The following STAG1 variants were observed in gnomAD, a reference collection of about 807,000 sequenced individuals.
STAG1 encodes the protein cohesin subunit SA-1.
A neutral mutation model predicts 170.9 loss-of-function variants in STAG1; 26 were observed. The ratio of observed to expected loss-of-function variants is 0.15; its 90% CI spans 0.11 to 0.21. STAG1 has a LOEUF of 0.21. Among genes scored for constraint, STAG1 ranks in the 10% least tolerant of loss-of-function variants. STAG1 has a pLI of 1.00. For missense variants in STAG1, 964 were observed against 1,509.5 expected, an observed-to-expected ratio of 0.64 and a Z score of 5.99; for synonymous variants, 514 against 497.7, an observed-to-expected ratio of 1.03 and a Z score of -0.44.
At chr3:136,366,106 G>C (rs1465323785) in intron 25 of STAG1, among the ~76,000 whole-genome samples, 2 of 152,016 alleles carry the variant, frequency 1.3e-5, no homozygotes, top group Non-Finnish European at 2.9e-5. Context: ...TTGTGGTCTA[G>C]TGAAAAGAGC....
chr3:136,501,115 T>C (rs1933441496), intron 8 of STAG1, among the ~76,000 whole-genome samples: 2 of 152,230 alleles, frequency 1.3e-5, no homozygotes, highest in Non-Finnish European at 2.9e-5. Flanking sequence ...AATACTTTTA[T>C]TGCAAAATCA....
rs542632096 is a variant in STAG1 at position 136,574,832 on chromosome 3, T to C, written c.298-5971A>G. On this transcript the variant is annotated intron_variant, in intron 4 of 33. Coordinates refer to ENST00000383202, the MANE Select transcript of STAG1 (RefSeq NM_005862.3). ...AAAATTACTAATGTGATCTAACTAA[T>C]ACATAAAACTTAACACCAACAATTA... is the stretch of plus-strand genomic sequence containing the variant. 3.6e-4 allele frequency among the ~76,000 whole-genome samples: 55 copies of C among 152,324 alleles called. 1 individual carries two copies. The South Asian group carries it at 0.011, about 30-fold the overall frequency.
chr3:136,390,673 G>T (rs999700139), intron 22 of STAG1, among the ~76,000 whole-genome samples: 1 of 152,156 alleles, frequency 6.6e-6, no homozygotes, highest in Non-Finnish European at 1.5e-5. Flanking sequence ...TTCCTACAAG[G>T]ATCACTATTA....
At chr3:136,611,169 G>C (rs938910949) in intron 3 of STAG1, among the ~76,000 whole-genome samples, 1 of 151,700 alleles carries the variant, frequency 6.6e-6, no homozygotes, top group Non-Finnish European at 1.5e-5. Context: ...TTTTCTTTTA[G>C]ACACAGTTTC....
intron 4 of STAG1, chr3:136,586,880 T>C: frequency 2.2e-6 from 1 of 456,644 alleles, no homozygotes; most frequent in Non-Finnish European, 4.4e-6. Context: ...ACTGCTTCTC[T>C]TTCTCTCTCC....
At chr3:136,665,707 G>A (rs1941740018) in intron 1 of STAG1, among the ~76,000 whole-genome samples, 1 of 148,848 alleles carries the variant, frequency 6.7e-6, no homozygotes, top group Admixed American at 6.8e-5. Context: ...GTGAACCCAG[G>A]AGGCAGAGCT....
rs567472561 is a variant in STAG1 at position 136,552,889 on chromosome 3, G to C, written c.395-10694C>G. Among the ~76,000 whole-genome samples, 5 of 152,230 alleles carry C rather than the reference G, an allele frequency of 3.3e-5. No homozygotes were observed. In the South Asian group the frequency reaches 8.3e-4, roughly 25 times the overall value. On this transcript the variant is annotated intron_variant, in intron 5 of 33. Coordinates refer to ENST00000383202, the MANE Select transcript of STAG1 (RefSeq NM_005862.3). ...AAAGCAAATGCTAAATCCTCTCTTA[G>C]AGAAATGTAACTTAATCCTAGGATT...
chr3:136,513,040 A>T (rs1028464150), intron 7 of STAG1, among the ~76,000 whole-genome samples: 1 of 152,196 alleles, frequency 6.6e-6, no homozygotes, highest in African/African-American at 2.4e-5. Flanking sequence ...CGAAACACAG[A>T]ATATTTCAAA....
chr3:136,579,442 T>C (rs938848174), intron 4 of STAG1, among the ~76,000 whole-genome samples: 16 of 152,214 alleles, frequency 1.1e-4, no homozygotes, highest in African/African-American at 3.6e-4. Flanking sequence ...GCACTTACCG[T>C]GCTGCATTCT....
chr3:136,376,254 T>A (rs1419590329), intron 23 of STAG1, among the ~76,000 whole-genome samples: 2 of 152,034 alleles, frequency 1.3e-5, no homozygotes, highest in African/African-American at 4.8e-5. Context: ...TAGCCCAATA[T>A]CAAAATAAGA....
intron 22 of STAG1, among the ~76,000 whole-genome samples, chr3:136,389,981 G>A (rs563085177): frequency 2.6e-5 from 4 of 151,572 alleles, no homozygotes; most frequent in East Asian, 3.9e-4. Flanking sequence ...ACAGGTGCCC[G>A]CCACCACGCC....
rs576756740 is a variant in STAG1 at position 136,709,929 on chromosome 3, G to A, written c.-84+42266C>T. ...ACACACCTGTAATCCCAGCTACTGG[G>A]AAGGCTAAGGCATGAGAATCGCTTG... is the stretch of plus-strand genomic sequence containing the variant. On this transcript the variant is annotated intron_variant, in intron 1 of 33. Transcript: ENST00000383202. Among the ~76,000 whole-genome samples, 938 of 152,130 alleles carry A rather than the reference G, an allele frequency of 6.2e-3. 7 individuals carry two copies. The highest frequency in any genetic ancestry group is 8.8e-3 in the Non-Finnish European group (598 of 67,996).
chr3:136,717,913 T>C (rs757842812), intron 1 of STAG1, among the ~76,000 whole-genome samples: 1 of 152,178 alleles, frequency 6.6e-6, no homozygotes, highest in Non-Finnish European at 1.5e-5. Flanking sequence ...TTTATTCTCA[T>C]GTAAATGGAC....
chr3:136,522,424 T>C (rs566845054), intron 6 of STAG1, among the ~76,000 whole-genome samples: 135 of 152,088 alleles, frequency 8.9e-4, no homozygotes, highest in African/African-American at 2.4e-3. Flanking sequence ...TGAGTGTAGA[T>C]TGGAGAAGTT....
At chr3:136,368,356 TATC>T (rs1170555081) in intron 24 of STAG1, among the ~76,000 whole-genome samples, 1 of 152,212 alleles carries the variant, frequency 6.6e-6, no homozygotes, top group Non-Finnish European at 1.5e-5. Flanking sequence ...ATTGCTAAGT[TATC>T]ATTCTGCAGG....
chr3:136,750,561 G>C (rs1180858153), intron 1 of STAG1, among the ~76,000 whole-genome samples: 2 of 152,176 alleles, frequency 1.3e-5, no homozygotes, highest in Non-Finnish European at 2.9e-5. Flanking sequence ...AGCCTTATCA[G>C]AACATCGAAA....
intron 21 of STAG1, among the ~76,000 whole-genome samples, chr3:136,407,067 C>A (rs1438428768): frequency 6.6e-6 from 1 of 152,072 alleles, no homozygotes; most frequent in Non-Finnish European, 1.5e-5. Context: ...GCTCTTGTTG[C>A]CCAGGCTGGA....
In STAG1 at chr3:136,712,162, C is replaced by T. The variant is rs188903729; in HGVS notation, c.-84+40033G>A. ...CCTCCTGAGTAACTGGGATTACAGGCGCACGCCACCACACCCAGCTAATTT... is the reference window on the plus strand; with the variant it reads ...CCTCCTGAGTAACTGGGATTACAGGTGCACGCCACCACACCCAGCTAATTT... On this transcript the variant is annotated intron_variant, in intron 1 of 33. Coordinates refer to ENST00000383202, the MANE Select transcript of STAG1 (RefSeq NM_005862.3). Among the ~76,000 whole-genome samples, 1,070 of 152,184 alleles carry T rather than the reference C, an allele frequency of 7.0e-3. 15 individuals carry two copies. Among genetic ancestry groups the T allele is most frequent in the African/African-American group, 0.024 (989 of 41,534 alleles).
chr3:136,477,442 A>C, intron 9 of STAG1, 30 bp from the exon 10 acceptor site: 1 of 1,571,864 alleles, frequency 6.4e-7, no homozygotes, highest in Non-Finnish European at 8.6e-7. Flanking sequence ...ACAATCTCAA[A>C]TTAATATACA....
Sources: gnomAD v4.1 joint callset for allele counts (sites outside exome capture counted in the v4.1 genomes callset) on GRCh38, gnomAD v4.1.1 for gene constraint, MANE v1.5 for transcripts, NCBI Gene and HGNC (gene_info 2026-07-23, HGNC 2026-07-21) for gene names.